Variants in AP3B1 observed in about 807,000 individuals in gnomAD.
The protein encoded by AP3B1 is AP-3 complex subunit beta-1.
AP3B1 carries 61 observed loss-of-function variants against 132.5 expected under a neutral mutation model. That is an observed-to-expected ratio of 0.46 (90% CI 0.37 to 0.57). AP3B1 has a LOEUF of 0.57. Ranked by LOEUF, AP3B1 falls within the 20% of genes least tolerant of loss-of-function variation. The pLI is 0.00. For synonymous variants in AP3B1, 388 were observed against 438.3 expected, an observed-to-expected ratio of 0.89 and a Z score of 1.43; for missense variants, 1,120 against 1,289.4, an observed-to-expected ratio of 0.87 and a Z score of 2.01.
At chr5:78,292,152 G>T (rs558107221) in intron 1 of AP3B1, among the ~76,000 whole-genome samples, 2 of 152,240 alleles carry the variant, frequency 1.3e-5, no homozygotes, top group African/African-American at 4.8e-5. Context: ...AAAACCAGAG[G>T]TGAGGAATAG....
intron 14 of AP3B1, among the ~76,000 whole-genome samples, chr5:78,154,476 A>G (rs1204620066): frequency 2.0e-5 from 3 of 152,124 alleles, no homozygotes; most frequent in African/African-American, 7.2e-5. Flanking sequence ...TTGTACTTCA[A>G]TGCTGACATC....
chr5:78,204,150 G>A (rs1374191655), intron 7 of AP3B1, among the ~76,000 whole-genome samples: 2 of 151,896 alleles, frequency 1.3e-5, no homozygotes, highest in Admixed American at 1.3e-4. Context: ...ATTCCTCATC[G>A]TTTTCTGCTA....
At chr5:78,158,976 C>T (rs566508232) in intron 13 of AP3B1, among the ~76,000 whole-genome samples, 1 of 152,246 alleles carries the variant, frequency 6.6e-6, no homozygotes, top group South Asian at 2.1e-4. Flanking sequence ...GGACTACAGG[C>T]GTGAGCCACC....
At chr5:78,183,194 C>A (rs1314035729) in intron 7 of AP3B1, among the ~76,000 whole-genome samples, 1 of 152,184 alleles carries the variant, frequency 6.6e-6, no homozygotes, top group Non-Finnish European at 1.5e-5. Flanking sequence ...GAGTAAAATC[C>A]CTCTGAAGTG....
intron 11 of AP3B1, among the ~76,000 whole-genome samples, chr5:78,173,579 T>C (rs986263580): frequency 6.6e-6 from 1 of 152,032 alleles, no homozygotes; most frequent in African/African-American, 2.4e-5. Flanking sequence ...TCCTGCTTTT[T>C]TTTTGCTTTG....
chr5:78,046,204 G>A (rs1215076774), intron 22 of AP3B1, among the ~76,000 whole-genome samples: 2 of 152,170 alleles, frequency 1.3e-5, no homozygotes, highest in Non-Finnish European at 2.9e-5. Context: ...GAATCCGGCC[G>A]CACAGCAGGA....
In AP3B1 at chr5:78,165,795, A is replaced by G. The variant is rs985055779; in HGVS notation, c.1168-123T>C. 1.5e-5 allele frequency: 12 copies of G among 777,354 alleles called. No individual in the cohort carries two copies. The Admixed American group carries it at 2.3e-4, about 15-fold the overall frequency. The allele number at this position is 777,354 out of a possible 1,614,324, so 48.2% of individuals were successfully genotyped here. ...TTAAAAATCACATTGTCAGCCGGGCACAGTGGCTCATGCCTGTAATCCCAG... is the reference window on the plus strand; with the variant it reads ...TTAAAAATCACATTGTCAGCCGGGCGCAGTGGCTCATGCCTGTAATCCCAG... On this transcript the variant is annotated intron_variant, in intron 11 of 26. Coordinates refer to ENST00000255194, the MANE Select transcript of AP3B1 (RefSeq NM_003664.5).
intron 17 of AP3B1, among the ~76,000 whole-genome samples, chr5:78,118,624 G>C (rs1751981548): frequency 6.6e-6 from 1 of 152,250 alleles, no homozygotes; most frequent in African/African-American, 2.4e-5. Context: ...TGAGGCTGGG[G>C]GAGGGGCGCC....
intron 3 of AP3B1, among the ~76,000 whole-genome samples, chr5:78,229,381 CA>C (rs1746534566): frequency 6.6e-6 from 1 of 152,146 alleles, no homozygotes; most frequent in African/African-American, 2.4e-5. Context: ...TCTACCTTCT[CA>C]AATATCTTCA....
At chr5:78,103,112 T>C (rs765857705) in intron 20 of AP3B1, among the ~76,000 whole-genome samples, 3 of 152,190 alleles carry the variant, frequency 2.0e-5, no homozygotes, top group Admixed American at 1.3e-4. Context: ...TGCTTCATGA[T>C]GTGTTTGGTA....
chr5:78,239,133 T>A (rs1184481083), intron 3 of AP3B1, among the ~76,000 whole-genome samples: 1 of 151,928 alleles, frequency 6.6e-6, no homozygotes, highest in Admixed American at 6.6e-5. Flanking sequence ...AGGAGTACTT[T>A]TAAAAATAAG....
At chr5:78,000,896 T>G (rs981347093), downstream of AP3B1, 1 of 152,230 alleles carries the variant, frequency 6.6e-6, no homozygotes, top group Non-Finnish European at 1.5e-5. Flanking sequence ...GTCGTTTTTC[T>G]GTTTTACGTG....
chr5:78,253,854 C>G (rs1747741492), intron 2 of AP3B1, among the ~76,000 whole-genome samples: 1 of 150,970 alleles, frequency 6.6e-6, no homozygotes, highest in African/African-American at 2.4e-5. Flanking sequence ...GTAGTCCCAA[C>G]TACTTGGGAG....
intron 7 of AP3B1, among the ~76,000 whole-genome samples, chr5:78,214,002 C>A (rs1745859695): frequency 6.6e-6 from 1 of 152,194 alleles, no homozygotes; most frequent in African/African-American, 2.4e-5. Context: ...CTAGAGCACC[C>A]CTGCCCTGCT....
In AP3B1 at chr5:78,255,231, G is replaced by A. The variant is rs541919091; in HGVS notation, c.204+12289C>T. Among the ~76,000 whole-genome samples, 16 of 152,148 alleles carry A rather than the reference G, an allele frequency of 1.1e-4. No individual in the cohort carries two copies. In the South Asian group the frequency reaches 2.9e-3, roughly 28 times the overall value. ...GAAAACAAATAACAAAATAGCAGGA[G>A]TAAGTCCTTACTTATCAATAATAAC... On this transcript the variant is annotated intron_variant, in intron 2 of 26. Coordinates refer to ENST00000255194, the MANE Select transcript of AP3B1 (RefSeq NM_003664.5).
At chr5:78,128,789 G>A (rs1286132471) in intron 16 of AP3B1, among the ~76,000 whole-genome samples, 2 of 151,858 alleles carry the variant, frequency 1.3e-5, no homozygotes, top group Admixed American at 6.6e-5. Context: ...CTATTAAAAG[G>A]AATTATATTT....
At chr5:78,075,143 A>T (rs1236408517) in intron 22 of AP3B1, among the ~76,000 whole-genome samples, 1 of 152,122 alleles carries the variant, frequency 6.6e-6, no homozygotes. Flanking sequence ...CAAAACTAAA[A>T]TACCCTAGTA....
intron 22 of AP3B1, among the ~76,000 whole-genome samples, chr5:78,073,163 C>T (rs1047691599): frequency 4.6e-5 from 7 of 152,146 alleles, no homozygotes; most frequent in African/African-American, 9.7e-5. Flanking sequence ...CAGCTAAATT[C>T]GTTTCTCTTC....
chr5:78,046,608 T>C (rs561939173), intron 22 of AP3B1, among the ~76,000 whole-genome samples: 1 of 152,158 alleles, frequency 6.6e-6, no homozygotes, highest in South Asian at 2.1e-4. Context: ...GGTGATAGAT[T>C]TGTTTGTTCA....
Sources: allele counts gnomAD v4.1 joint callset (sites outside exome capture counted in the v4.1 genomes callset), GRCh38; gene constraint gnomAD v4.1.1; transcripts MANE v1.5; gene names NCBI Gene and HGNC (gene_info 2026-07-23, HGNC 2026-07-21).